LMNA: variants seen among roughly 807,000 people sequenced by gnomAD.
The protein encoded by LMNA is lamin A/C.
LMNA carries 20 observed loss-of-function variants against 70.4 expected under a neutral mutation model. The ratio of observed to expected loss-of-function variants is 0.28; its 90% CI spans 0.20 to 0.41. The LOEUF is 0.41. Among genes scored for constraint, LMNA ranks in the 10% least tolerant of loss-of-function variants. The pLI is 1.00. For missense variants in LMNA, 652 were observed against 917.2 expected (o/e 0.71, Z 3.73); for synonymous variants, 339 against 372.8 (o/e 0.91, Z 1.04).
chr1:156,135,359 C>G lies in LMNA; in HGVS notation c.936+47C>G, dbSNP rs370242860. The G allele has an allele frequency of 4.1e-6, 5 of 1,211,328 alleles. No individual in the cohort carries two copies. The highest frequency in any genetic ancestry group is 5.6e-6 in the Non-Finnish European group (5 of 889,708). 75.0% of individuals were successfully genotyped at this position (1,211,328 alleles called of 1,614,324 possible). A position where few individuals can be genotyped will look rare whatever the true frequency, so the allele number is the denominator to read the frequency against. On this transcript the variant is annotated intron_variant, in intron 5 of 11. Transcript: ENST00000368300. This position sits in a 1 kb window ranked among gnomAD's most constrained non-coding sequence, Gnocchi z 4.8. ...CTCTCCAGGGGCCTAGAGTCTGGGC[C>G]GGATGCAGGCTGGAAGCCCAGGGTT...
chr1:156,108,700 A>G (rs1649435326), intron 3 of LMNA, among the ~76,000 whole-genome samples: 1 of 152,058 alleles, frequency 6.6e-6, no homozygotes. Context: ...CAGGAGGTGC[A>G]GGTTGCAGTG....
intron 1 of LMNA, among the ~76,000 whole-genome samples, chr1:156,118,025 A>T (rs1470788704): frequency 4.4e-5 from 5 of 113,574 alleles, no homozygotes; most frequent in Non-Finnish European, 8.5e-5. Context: ...GAAACTTGCT[A>T]TGTTGCTCAG....
intron 2 of LMNA, among the ~76,000 whole-genome samples, chr1:156,086,933 G>A (rs557298785): frequency 1.3e-5 from 2 of 152,280 alleles, no homozygotes; most frequent in East Asian, 1.9e-4. Context: ...GAGCCACCGC[G>A]CCCGGCCAGG....
rs1318633220 is a variant in LMNA at position 156,138,012 on chromosome 1, G to C, written c.1698+269G>C. On this transcript the variant is annotated intron_variant, in intron 10 of 11. Transcript: ENST00000368300. This position sits in a 1 kb window ranked among gnomAD's most constrained non-coding sequence, Gnocchi z 5.5. ...TGTGGGAGCAGTGGACAAGGGTCTG[G>C]ATTTGTCTTCTGGGAAAGGGAGGGG... 7 of 674,434 alleles carry C rather than the reference G, an allele frequency of 1.0e-5. No homozygotes were observed. In the East Asian group the frequency reaches 2.0e-4, roughly 20 times the overall value. The allele number at this position is 674,434 out of a possible 1,614,324, so 41.8% of individuals were successfully genotyped here. A position where few individuals can be genotyped will look rare whatever the true frequency, so the allele number is the denominator to read the frequency against.
In LMNA at chr1:156,135,833, A is replaced by T. The variant is rs1651521117; in HGVS notation, c.937-68A>T. On this transcript the variant is annotated intron_variant, in intron 5 of 11. Coordinates refer to ENST00000368300, the MANE Select transcript of LMNA (RefSeq NM_170707.4). This position sits in a 1 kb window ranked among gnomAD's most constrained non-coding sequence, Gnocchi z 4.8. The stretch of plus-strand genomic sequence containing the variant: ...GAGTAGCCAGGTGTCTCCTACACCG[A>T]CCCACGTCCCTCCTTCCCCATACTT... 1.4e-6 allele frequency: 2 copies of T among 1,384,362 alleles called. No homozygotes were observed. The highest frequency in any genetic ancestry group is 2.0e-6 in the Non-Finnish European group (2 of 987,234). The allele number at this position is 1,384,362 out of a possible 1,614,324, so 85.8% of individuals were successfully genotyped here.
intron 2 of LMNA, among the ~76,000 whole-genome samples, chr1:156,085,058 T>C (rs1648427356): frequency 6.6e-6 from 1 of 152,242 alleles, no homozygotes. Flanking sequence ...ATCAGCCCTC[T>C]GGGTAAGTTA....
chr1:156,091,889 C>A (rs1001820667), intron 3 of LMNA, among the ~76,000 whole-genome samples: 2 of 151,752 alleles, frequency 1.3e-5, no homozygotes, highest in African/African-American at 4.8e-5. Context: ...CTGGCCAGGA[C>A]AACATAGTGA....
At chr1:156,126,105 C>T in intron 1 of LMNA, 5 of 1,417,132 alleles carry the variant, frequency 3.5e-6, no homozygotes, top group Non-Finnish European at 4.7e-6. Context: ...CTCCCTGTAC[C>T]CACCCGGCCA....
At chr1:156,130,894 C>T in intron 2 of LMNA, 121 bp downstream of exon 2, 1 of 979,788 alleles carries the variant, frequency 1.0e-6, no homozygotes, top group East Asian at 2.6e-5. Flanking sequence ...CAGAGCCATT[C>T]ACCTGTCCTA....
chr1:156,126,303 C>A, intron 1 of LMNA: 1 of 1,096,768 alleles, frequency 9.1e-7, no homozygotes, highest in Non-Finnish European at 1.3e-6. Flanking sequence ...TTTGTCTTCC[C>A]CTCCCACTTG....
chr1:156,139,357 T>C lies in LMNA; in HGVS notation c.*251T>C. The C allele has an allele frequency of 7.2e-7, 1 of 1,389,930 alleles. No homozygotes were observed. The allele number at this position is 1,389,930 out of a possible 1,614,324, so 86.1% of individuals were successfully genotyped here. A position where few individuals can be genotyped will look rare whatever the true frequency, so the allele number is the denominator to read the frequency against. On this transcript the variant is annotated 3_prime_UTR_variant, in exon 12 of 12. Transcript: ENST00000368300. ...TATCTCAATCCTAATTTCTCCTCCCTTCCTTTTCCCTGCTTCCAGGAAACT... is the reference window on the plus strand; with the variant it reads ...TATCTCAATCCTAATTTCTCCTCCCCTCCTTTTCCCTGCTTCCAGGAAACT...
Position 156,139,164 on chromosome 1 carries a change from T to C in LMNA, c.*58T>C. The C allele has an allele frequency of 1.9e-6, 3 of 1,612,418 alleles. No homozygotes were observed. Among genetic ancestry groups the C allele is most frequent in the Non-Finnish European group, 2.5e-6 (3 of 1,179,812 alleles). ...GGCTTCCTGCGTCCTCCTCACCTCA[T>C]GCCCACCCCCTGCCCTGCACGTCAT... On this transcript the variant is annotated 3_prime_UTR_variant, in exon 12 of 12. Coordinates refer to ENST00000368300, the MANE Select transcript of LMNA (RefSeq NM_170707.4).
chr1:156,125,521 C>G (rs1462847417), intron 1 of LMNA, among the ~76,000 whole-genome samples: 1 of 151,638 alleles, frequency 6.6e-6, no homozygotes, highest in African/African-American at 2.4e-5. Flanking sequence ...AACCCTATCT[C>G]TACTAAAAAT....
intron 1 of LMNA, among the ~76,000 whole-genome samples, chr1:156,116,856 G>A (rs1336324958): frequency 1.3e-5 from 2 of 151,950 alleles, no homozygotes; most frequent in Admixed American, 6.6e-5. Context: ...GAGCCACCAC[G>A]CTGGGCCCAT....
chr1:156,087,049 A>C lies in LMNA; in HGVS notation c.-318-3422A>C, dbSNP rs1648506256. Among the ~76,000 whole-genome samples the C allele has an allele frequency of 2.6e-5, 4 of 152,088 alleles. No homozygotes were observed. The South Asian group carries it at 8.3e-4, about 32-fold the overall frequency. On this transcript the variant is annotated intron_variant, in intron 2 of 12. Coordinates refer to the LMNA transcript ENST00000368301. ...GCACACCTAACACTTGCCCCTCCTT[A>C]GCCCTATTCTCAGAACCCTGAGGGA... is the stretch of plus-strand genomic sequence containing the variant.
At chr1:156,113,380 G>A (rs780498080), upstream of LMNA, among the ~76,000 whole-genome samples, 2 of 152,078 alleles carry the variant, frequency 1.3e-5, no homozygotes, top group Non-Finnish European at 2.9e-5. Context: ...TAGGGGCCAG[G>A]ATGAGGGGAG....
chr1:156,123,220 G>T (rs571274467), intron 1 of LMNA: 6 of 152,334 alleles, frequency 3.9e-5, no homozygotes, highest in African/African-American at 1.4e-4. Flanking sequence ...CTGGCTCAGG[G>T]GAGCTAGACT....
At chr1:156,092,078 G>A (rs752096946) in intron 3 of LMNA, among the ~76,000 whole-genome samples, 4 of 151,840 alleles carry the variant, frequency 2.6e-5, no homozygotes, top group South Asian at 2.1e-4. Context: ...TCACCACACC[G>A]GGCAAATTTT....
In LMNA at chr1:156,134,349, C is replaced by T. The variant is rs1651330712; in HGVS notation, c.514-54C>T. 5.0e-6 allele frequency: 8 copies of T among 1,605,758 alleles called. No homozygotes were observed. The highest frequency in any genetic ancestry group is 2.7e-5 in the African/African-American group (2 of 74,888). On this transcript the variant is annotated intron_variant, in intron 2 of 11. Coordinates refer to ENST00000368300, the MANE Select transcript of LMNA (RefSeq NM_170707.4). This position sits in a 1 kb window ranked among gnomAD's most constrained non-coding sequence, Gnocchi z 5.3. ...CAGCAGCCCACCTCTCAGCTTCCTT[C>T]CAGTTCTTGTGTTCTGTGACCCCTT...
Sources: gnomAD v4.1 joint callset for allele counts (sites outside exome capture counted in the v4.1 genomes callset) on GRCh38, gnomAD v4.1.1 for gene constraint, Gnocchi (gnomAD v3.1) non-coding constraint, MANE v1.5 for transcripts, NCBI Gene and HGNC (gene_info 2026-07-23, HGNC 2026-07-21) for gene names.